The following TPP2 variants were observed in gnomAD, a reference collection of about 807,000 sequenced individuals.
The protein encoded by TPP2 is tripeptidyl-peptidase 2.
A neutral mutation model predicts 155.9 loss-of-function variants in TPP2; 34 were observed. The ratio of observed to expected loss-of-function variants is 0.22; its 90% confidence interval spans 0.17 to 0.29. The LOEUF (loss-of-function observed/expected upper bound fraction) is 0.29. TPP2 is among the 10% of genes least tolerant of loss of function. TPP2 has a pLI of 1.00. For missense variants in TPP2, 1,028 were observed against 1,522.3 expected, an observed-to-expected ratio of 0.68 and a Z score of 5.40; for synonymous variants, 510 against 529.4, an observed-to-expected ratio of 0.96 and a Z score of 0.50.
At chr13:102,647,476 G>T in intron 21 of TPP2, 132 bp downstream of exon 21, 4 of 1,151,906 alleles carry the variant, frequency 3.5e-6, no homozygotes, top group Non-Finnish European at 4.7e-6. Flanking sequence ...TAGTACTTTT[G>T]CAAACTGTGA....
intron 8 of TPP2, among the ~76,000 whole-genome samples, chr13:102,628,917 G>A (rs570206590): frequency 6.6e-6 from 1 of 152,228 alleles, no homozygotes; most frequent in African/African-American, 2.4e-5. Flanking sequence ...GAAGGGTCCT[G>A]TGCATGGCTC....
chr13:102,598,056 C>T (rs571009457), intron 1 of TPP2, among the ~76,000 whole-genome samples: 1 of 152,086 alleles, frequency 6.6e-6, no homozygotes, highest in African/African-American at 2.4e-5. Flanking sequence ...ACTTTAAAAT[C>T]TGTAGATTCA....
intron 5 of TPP2, among the ~76,000 whole-genome samples, chr13:102,620,792 G>C (rs2139457461): frequency 6.6e-6 from 1 of 152,342 alleles, no homozygotes; most frequent in Middle Eastern, 3.4e-3. Flanking sequence ...CTGGTTGAGA[G>C]AAACAGTGTT....
chr13:102,601,267 A>G (rs1190079355), intron 1 of TPP2, among the ~76,000 whole-genome samples: 1 of 152,176 alleles, frequency 6.6e-6, no homozygotes, highest in Non-Finnish European at 1.5e-5. Flanking sequence ...TTAAATCTTT[A>G]TTTGCTTAAA....
intron 2 of TPP2, among the ~76,000 whole-genome samples, chr13:102,612,479 A>C (rs909087851): frequency 6.6e-6 from 1 of 152,224 alleles, no homozygotes; most frequent in African/African-American, 2.4e-5. Context: ...TAAGATACCA[A>C]CCTAAAATGG....
At chr13:102,650,844 G>A (rs1277788002) in intron 23 of TPP2, among the ~76,000 whole-genome samples, 2 of 152,050 alleles carry the variant, frequency 1.3e-5, no homozygotes, top group East Asian at 3.8e-4. Flanking sequence ...GACCTTCCTG[G>A]GAGAAAGCAG....
intron 27 of TPP2, among the ~76,000 whole-genome samples, chr13:102,668,156 A>AC (rs1237051414): frequency 6.6e-6 from 1 of 152,202 alleles, no homozygotes; most frequent in Admixed American, 6.5e-5. Flanking sequence ...ACAGGAGTAA[A>AC]CAAATTTATC....
chr13:102,666,479 C>T (rs1389235123), intron 27 of TPP2, among the ~76,000 whole-genome samples: 1 of 152,204 alleles, frequency 6.6e-6, no homozygotes, highest in East Asian at 1.9e-4. Flanking sequence ...TTCCACAGAT[C>T]ACCAGTGATA....
Position 102,635,021 on chromosome 13 carries a change from AC to A in TPP2, c.1394-565del, listed in dbSNP as rs775474497. Among the ~76,000 whole-genome samples, 275 of 152,328 alleles carry A rather than the reference AC, an allele frequency of 1.8e-3. 1 individual carries two copies. Among genetic ancestry groups the A allele is most frequent in the Non-Finnish European group, 3.4e-3 (234 of 68,028 alleles). On this transcript the variant is annotated intron_variant, in intron 11 of 29. Coordinates refer to ENST00000376052, the MANE Select transcript of TPP2 (RefSeq NM_001330588.2). ...GAGCTCTGGAGAGGACAAGAATGAT[AC>A]AGCACTCATCTTATGAATTGGTGGC...
intron 16 of TPP2, among the ~76,000 whole-genome samples, chr13:102,641,610 C>G (rs1882773364): frequency 6.6e-6 from 1 of 152,102 alleles, no homozygotes; most frequent in Non-Finnish European, 1.5e-5. Context: ...ATACCATTTT[C>G]TGGTCATCTA....
intron 21 of TPP2, 127 bp from the exon 22 acceptor site, chr13:102,648,780 T>G (rs685874): frequency 0.48 from 603,225 of 1,260,462 alleles, 146,479 homozygotes; most frequent in African/African-American, 0.6. Context: ...GATAGTTAGT[T>G]CCTTGCACTG....
intron 5 of TPP2, 100 bp from the exon 6 acceptor site, chr13:102,622,777 G>C: frequency 8.0e-7 from 1 of 1,253,430 alleles, no homozygotes; most frequent in Non-Finnish European, 1.1e-6. Context: ...TGTTGTGGTA[G>C]AGGTAGTAGT....
intron 10 of TPP2, 97 bp from the exon 11 acceptor site, chr13:102,633,853 T>C: frequency 6.5e-7 from 1 of 1,536,654 alleles, no homozygotes. Flanking sequence ...TAGTACATAG[T>C]GTTATACTAT....
intron 1 of TPP2, among the ~76,000 whole-genome samples, chr13:102,599,490 T>C (rs1879264090): frequency 6.6e-6 from 1 of 151,894 alleles, no homozygotes; most frequent in Non-Finnish European, 1.5e-5. Context: ...AAGAATGAAA[T>C]AGGAGGAAGA....
intron 7 of TPP2, 137 bp from the exon 8 acceptor site, chr13:102,627,711 T>A: frequency 1.6e-6 from 1 of 612,992 alleles, no homozygotes; most frequent in Non-Finnish European, 2.8e-6. Flanking sequence ...AGGTATATGG[T>A]GATATGCCTG....
chr13:102,613,064 ATTC>A (rs908527154), intron 2 of TPP2, among the ~76,000 whole-genome samples: 4 of 152,166 alleles, frequency 2.6e-5, no homozygotes, highest in African/African-American at 9.7e-5. Flanking sequence ...CAGAATTCCT[ATTC>A]TTTAAAGAAG....
intron 28 of TPP2, among the ~76,000 whole-genome samples, chr13:102,675,447 A>G (rs1595229745): frequency 6.6e-6 from 1 of 152,338 alleles, no homozygotes; most frequent in South Asian, 2.1e-4. Context: ...TCTTATCTAC[A>G]CGACCTGCCT....
chr13:102,641,437 A>G (rs534799183), intron 16 of TPP2, among the ~76,000 whole-genome samples: 1 of 152,358 alleles, frequency 6.6e-6, no homozygotes, highest in East Asian at 1.9e-4. Flanking sequence ...TAAGGTAGAT[A>G]GGTGTCATTA....
chr13:102,666,252 T>TA (rs1475619232), intron 27 of TPP2, among the ~76,000 whole-genome samples: 1 of 152,222 alleles, frequency 6.6e-6, no homozygotes, highest in Non-Finnish European at 1.5e-5. Context: ...GGAAAGCACA[T>TA]AGTCAAATCA....
Sources: gnomAD v4.1 joint callset for allele counts (sites outside exome capture counted in the v4.1 genomes callset) on GRCh38, gnomAD v4.1.1 for gene constraint, MANE v1.5 for transcripts, NCBI Gene and HGNC (gene_info 2026-07-23, HGNC 2026-07-21) for gene names.